COG5: variants seen among roughly 807,000 people sequenced by gnomAD.
COG5 encodes component of oligomeric golgi complex 5.
In COG5, 86 loss-of-function variants were observed where a neutral mutation model predicts 110.4. The ratio of observed to expected loss-of-function variants is 0.78; its 90% CI spans 0.65 to 0.93. The LOEUF (loss-of-function observed/expected upper bound fraction) is 0.93, where lower values mean the gene tolerates loss of function less well. COG5 is among the 40% of genes least tolerant of loss of function. The pLI, the probability that COG5 is intolerant of heterozygous loss-of-function variation, is 0.00. For synonymous variants in COG5, 360 were observed against 334.6 expected, an observed-to-expected ratio of 1.08 and a Z score of -0.83; for missense variants, 1,077 against 987.0, an observed-to-expected ratio of 1.09 and a Z score of -1.22.
At chr7:107,518,811 A>T (rs776530057) in intron 6 of COG5, among the ~76,000 whole-genome samples, 4 of 152,236 alleles carry the variant, frequency 2.6e-5, no homozygotes, top group Admixed American at 6.5e-5. Flanking sequence ...AAGTGGACCT[A>T]ACAGCCATCT....
At chr7:107,537,207 T>C (rs117068800) in intron 5 of COG5, among the ~76,000 whole-genome samples, 6,350 of 152,220 alleles carry the variant, frequency 0.042, 194 homozygotes, top group Middle Eastern at 0.12. Context: ...GCAATCCCAT[T>C]ACAGGGTATA....
intron 7 of COG5, among the ~76,000 whole-genome samples, chr7:107,393,359 C>T (rs1314789532): frequency 2.0e-5 from 3 of 152,162 alleles, no homozygotes; most frequent in Non-Finnish European, 2.9e-5. Flanking sequence ...CACTGCAATA[C>T]CCCATCACGA....
intron 6 of COG5, among the ~76,000 whole-genome samples, chr7:107,494,307 G>C (rs1798140837): frequency 6.6e-6 from 1 of 152,124 alleles, no homozygotes. Flanking sequence ...GTCAGGCATA[G>C]TTTCCAGCAG....
intron 6 of COG5, among the ~76,000 whole-genome samples, chr7:107,506,753 C>T (rs964058461): frequency 1.3e-5 from 2 of 152,356 alleles, no homozygotes; most frequent in East Asian, 1.9e-4. Context: ...GGCCACGCCC[C>T]TCCCAGTTGG....
chr7:107,297,441 GC>G (rs1806846860), intron 12 of COG5, among the ~76,000 whole-genome samples: 3 of 104,372 alleles, frequency 2.9e-5, no homozygotes, highest in African/African-American at 6.9e-5. Flanking sequence ...AGTACATTCT[GC>G]CTTTTTTTTT....
intron 19 of COG5, among the ~76,000 whole-genome samples, chr7:107,220,244 T>C (rs193246976): frequency 1.3e-5 from 2 of 152,334 alleles, no homozygotes; most frequent in East Asian, 1.9e-4. Flanking sequence ...CAACAACTTG[T>C]ACAGAAAAAC....
chr7:107,201,494 T>TA lies in COG5; in HGVS notation c.*2021dup. The TA allele has an allele frequency of 9.5e-7, 1 of 1,051,726 alleles. No individual in the cohort carries two copies. Among genetic ancestry groups the TA allele is most frequent in the Non-Finnish European group, 1.5e-6 (1 of 678,714 alleles). The allele number at this position is 1,051,726 out of a possible 1,614,324, so 65.1% of individuals were successfully genotyped here. On this transcript the variant is annotated 3_prime_UTR_variant, in exon 22 of 22. Transcript: ENST00000297135. ...TACATTGACTCTTGATGGAAAGACT[T>TA]AAGAAGATCAAGGTCTCACCATTTG...
intron 6 of COG5, among the ~76,000 whole-genome samples, chr7:107,477,173 A>G (rs2129116342): frequency 6.6e-6 from 1 of 151,834 alleles, no homozygotes; most frequent in African/African-American, 2.4e-5. Flanking sequence ...TTTGGCACAG[A>G]CCAGCTCCTA....
At chr7:107,507,721 T>C (rs1799134904) in intron 6 of COG5, among the ~76,000 whole-genome samples, 1 of 152,190 alleles carries the variant, frequency 6.6e-6, no homozygotes, top group Non-Finnish European at 1.5e-5. Context: ...ATATAAATCA[T>C]ACTTTCATCT....
At chr7:107,385,703 G>A (rs1790134126) in intron 7 of COG5, among the ~76,000 whole-genome samples, 1 of 152,112 alleles carries the variant, frequency 6.6e-6, no homozygotes, top group African/African-American at 2.4e-5. Context: ...CCAGAGGTTA[G>A]GAGAAGAGGG....
intron 17 of COG5, 63 bp downstream of exon 17, chr7:107,248,333 T>A: frequency 9.8e-7 from 1 of 1,024,790 alleles, no homozygotes; most frequent in Non-Finnish European, 1.6e-6. Context: ...GGAGTAAGCA[T>A]AGAGGTGGGA....
intron 14 of COG5, 47 bp from the exon 15 acceptor site, chr7:107,258,430 T>C (rs1484701754): frequency 1.2e-6 from 1 of 864,650 alleles, no homozygotes; most frequent in Admixed American, 1.8e-5. Flanking sequence ...GATAATTCTC[T>C]CTCTCTCTCT....
intron 17 of COG5, among the ~76,000 whole-genome samples, chr7:107,241,786 C>T (rs1801659287): frequency 6.6e-6 from 1 of 151,900 alleles, no homozygotes; most frequent in East Asian, 1.9e-4. Context: ...AGAGACTGAT[C>T]TTTCCTTTTT....
At chr7:107,310,331 A>G (rs1808112253) in intron 11 of COG5, among the ~76,000 whole-genome samples, 1 of 152,238 alleles carries the variant, frequency 6.6e-6, no homozygotes, top group African/African-American at 2.4e-5. Flanking sequence ...AAAAGCTCAT[A>G]AACTTTATAA....
At chr7:107,315,398 C>CT (rs1338962727) in intron 11 of COG5, among the ~76,000 whole-genome samples, 1 of 152,100 alleles carries the variant, frequency 6.6e-6, no homozygotes, top group Admixed American at 6.5e-5. Flanking sequence ...TGTTAGCACT[C>CT]TAACTTGTAT....
chr7:107,242,232 C>T (rs1163701735), intron 17 of COG5, among the ~76,000 whole-genome samples: 1 of 152,170 alleles, frequency 6.6e-6, no homozygotes, highest in African/African-American at 2.4e-5. Context: ...AAGGAAACAA[C>T]CTGACCGACA....
intron 10 of COG5, among the ~76,000 whole-genome samples, chr7:107,328,220 G>C (rs1183112515): frequency 6.6e-6 from 1 of 152,178 alleles, no homozygotes; most frequent in Non-Finnish European, 1.5e-5. Context: ...TTATGTGATA[G>C]CCTATCACTC....
At chr7:107,451,075 C>A (rs191796117) in intron 6 of COG5, among the ~76,000 whole-genome samples, 1 of 152,270 alleles carries the variant, frequency 6.6e-6, no homozygotes, top group Non-Finnish European at 1.5e-5. Context: ...TAATTTAAGT[C>A]TGGAAGGATT....
At chr7:107,455,834 C>T in intron 6 of COG5, among the ~76,000 whole-genome samples, 1 of 152,182 alleles carries the variant, frequency 6.6e-6, no homozygotes, top group East Asian at 1.9e-4. Flanking sequence ...ACTCCATCCA[C>T]CTAGGCTGGA....
Sources: allele counts gnomAD v4.1 joint callset (sites outside exome capture counted in the v4.1 genomes callset), GRCh38; gene constraint gnomAD v4.1.1; transcripts MANE v1.5; gene names NCBI Gene and HGNC (gene_info 2026-07-23, HGNC 2026-07-21).